NLGN1: variants seen among roughly 807,000 people sequenced by gnomAD.
NLGN1 encodes neuroligin 1.
In NLGN1, 12 loss-of-function variants were observed where a neutral mutation model predicts 65.5. The observed-to-expected ratio is 0.18, with a 90% CI of 0.12 to 0.30. The LOEUF is 0.30. NLGN1 is among the 10% of genes least tolerant of loss of function. The pLI, the probability that NLGN1 is intolerant of heterozygous loss-of-function variation, is 1.00. For synonymous variants in NLGN1, 350 were observed against 359.5 expected (o/e 0.97, Z 0.30); for missense variants, 750 against 1,007.1 (o/e 0.74, Z 3.46).
chr3:173,605,852 GTGTTTAGTGGAATA>G (rs2149451342), intron 3 of NLGN1, among the ~76,000 whole-genome samples: 1 of 152,178 alleles, frequency 6.6e-6, no homozygotes, highest in South Asian at 2.1e-4. Flanking sequence ...CTTTGAGTTT[GTGTTTAGTGGAATA>G]TGTACTTAGG....
At chr3:174,236,306 T>C (rs1302545786) in intron 4 of NLGN1, among the ~76,000 whole-genome samples, 2 of 152,130 alleles carry the variant, frequency 1.3e-5, no homozygotes, top group East Asian at 3.8e-4. Context: ...TCTATGCCTA[T>C]ATATATTTTT....
chr3:174,197,084 C>T (rs1733565641), intron 4 of NLGN1, among the ~76,000 whole-genome samples: 1 of 151,178 alleles, frequency 6.6e-6, no homozygotes, highest in Non-Finnish European at 1.5e-5. Context: ...TATCTTTTAG[C>T]TATCACCTTT....
chr3:174,132,634 G>T (rs1055830779), intron 4 of NLGN1, among the ~76,000 whole-genome samples: 3 of 152,108 alleles, frequency 2.0e-5, no homozygotes, highest in African/African-American at 4.8e-5. Context: ...GACTAGTCAC[G>T]TGGGCTTAAG....
chr3:173,745,207 A>G (rs1213072063), intron 3 of NLGN1, among the ~76,000 whole-genome samples: 3 of 152,034 alleles, frequency 2.0e-5, no homozygotes, highest in Non-Finnish European at 4.4e-5. Context: ...CTTGCTTGTG[A>G]CTAATGTCCT....
At chr3:173,799,935 G>C (rs1685823858) in intron 3 of NLGN1, among the ~76,000 whole-genome samples, 1 of 150,482 alleles carries the variant, frequency 6.6e-6, no homozygotes, top group African/African-American at 2.4e-5. Flanking sequence ...ATTTAAATTA[G>C]AAAAGACACT....
chr3:174,237,062 G>A (rs566923118), intron 4 of NLGN1, among the ~76,000 whole-genome samples: 16 of 152,158 alleles, frequency 1.1e-4, no homozygotes, highest in Non-Finnish European at 1.2e-4. Flanking sequence ...CTTTGTTCTA[G>A]TGAGTTGCTT....
At chr3:174,277,222 T>A (rs1358981230) in intron 5 of NLGN1, among the ~76,000 whole-genome samples, 1 of 151,910 alleles carries the variant, frequency 6.6e-6, no homozygotes, top group Non-Finnish European at 1.5e-5. Context: ...TCTCTTGAAA[T>A]CATCAAGCTG....
intron 4 of NLGN1, among the ~76,000 whole-genome samples, chr3:174,116,366 C>G (rs1716479128): frequency 9.3e-6 from 1 of 107,322 alleles, no homozygotes; most frequent in Non-Finnish European, 1.7e-5. Flanking sequence ...TTGAGACAGT[C>G]TCGCTCTATA....
intron 4 of NLGN1, among the ~76,000 whole-genome samples, chr3:173,886,271 A>G (rs748951223): frequency 2.6e-5 from 4 of 152,122 alleles, no homozygotes; most frequent in Non-Finnish European, 5.9e-5. Context: ...CTTCAAAATT[A>G]TAAGGTGATT....
intron 4 of NLGN1, among the ~76,000 whole-genome samples, chr3:173,986,697 C>T (rs887016231): frequency 1.3e-5 from 2 of 152,108 alleles, no homozygotes; most frequent in African/African-American, 4.8e-5. Context: ...TTTCAGCAGC[C>T]CTAGCAAACT....
At chr3:173,904,881 T>A (rs1434225446) in intron 4 of NLGN1, among the ~76,000 whole-genome samples, 1 of 152,206 alleles carries the variant, frequency 6.6e-6, no homozygotes, top group Non-Finnish European at 1.5e-5. Context: ...ACACGCTGAT[T>A]ATACAAGACT....
rs540773501 is a variant in NLGN1 at position 174,154,320 on chromosome 3, T to C, written c.647-120995T>C. Among the ~76,000 whole-genome samples, 3 of 152,174 alleles carry C rather than the reference T, an allele frequency of 2.0e-5. No homozygotes were observed. The South Asian group carries it at 6.2e-4, about 32-fold the overall frequency. On this transcript the variant is annotated intron_variant, in intron 4 of 6. Coordinates refer to ENST00000457714, the Ensembl canonical transcript of NLGN1. ...ATAGTATAAATATACTTTTAAGTGC[T>C]GTAATGGAAAAAATAAGATTGCATT...
At chr3:173,974,630 A>T (rs139024377) in intron 4 of NLGN1, among the ~76,000 whole-genome samples, 18 of 152,190 alleles carry the variant, frequency 1.2e-4, no homozygotes, top group African/African-American at 3.8e-4. Context: ...ATTAAAAGGA[A>T]GAAGTGATTA....
chr3:173,609,978 GA>G (rs1242374934), intron 3 of NLGN1, among the ~76,000 whole-genome samples: 1 of 151,818 alleles, frequency 6.6e-6, no homozygotes, highest in Non-Finnish European at 1.5e-5. Context: ...TGGAAAGGGG[GA>G]AAAGAGAGAG....
At chr3:173,767,913 T>G (rs192796744) in intron 3 of NLGN1, among the ~76,000 whole-genome samples, 1 of 152,254 alleles carries the variant, frequency 6.6e-6, no homozygotes, top group Admixed American at 6.5e-5. Context: ...TGCCTTTGAA[T>G]AATTACATTT....
chr3:173,504,178 G>A (rs949076873), intron 2 of NLGN1, among the ~76,000 whole-genome samples: 12 of 151,968 alleles, frequency 7.9e-5, no homozygotes, highest in African/African-American at 2.9e-4. Context: ...TGTTTCATTG[G>A]ACCACTATAG....
At chr3:173,559,033 A>T (rs1742196345) in intron 2 of NLGN1, among the ~76,000 whole-genome samples, 1 of 152,148 alleles carries the variant, frequency 6.6e-6, no homozygotes, top group Admixed American at 6.5e-5. Context: ...GAATTCATCT[A>T]TGAATAGATG....
intron 2 of NLGN1, among the ~76,000 whole-genome samples, chr3:173,515,277 G>A (rs867611300): frequency 4.6e-5 from 7 of 151,862 alleles, no homozygotes; most frequent in Admixed American, 3.9e-4. Flanking sequence ...TTTCCCACCC[G>A]TTAGTCATTT....
chr3:173,480,786 A>G (rs1202641264), intron 2 of NLGN1, among the ~76,000 whole-genome samples: 2 of 152,096 alleles, frequency 1.3e-5, no homozygotes, highest in African/African-American at 4.8e-5. Context: ...TTTATTAAGT[A>G]TAGGTTCTTT....
Sources: gnomAD v4.1 joint callset for allele counts (sites outside exome capture counted in the v4.1 genomes callset) on GRCh38, gnomAD v4.1.1 for gene constraint, MANE v1.5 for transcripts, NCBI Gene and HGNC (gene_info 2026-07-23, HGNC 2026-07-21) for gene names.